The following LRRC28 variants were observed in gnomAD, a reference collection of about 807,000 sequenced individuals.
LRRC28 encodes leucine-rich repeat-containing protein 28.
In LRRC28, 39 loss-of-function variants were observed where a neutral mutation model predicts 45.7. The ratio of observed to expected loss-of-function variants is 0.85; its 90% CI spans 0.66 to 1.12. The LOEUF (loss-of-function observed/expected upper bound fraction) is 1.12, where lower values mean the gene tolerates loss of function less well. Ranked by LOEUF, LRRC28 falls within the 50% of genes most tolerant of loss-of-function variation. The pLI is 0.00. For missense variants in LRRC28, 435 were observed against 438.5 expected (o/e 0.99, Z 0.07); for synonymous variants, 206 against 178.8 (o/e 1.15, Z -1.22).
chr15:99,377,860 T>C (rs1957692042), intron 9 of LRRC28, among the ~76,000 whole-genome samples: 1 of 152,212 alleles, frequency 6.6e-6, no homozygotes, highest in Admixed American at 6.5e-5. Context: ...TGTAGATGTG[T>C]GGCATTATTT....
chr15:99,344,987 C>T (rs1162476313), intron 6 of LRRC28, among the ~76,000 whole-genome samples: 6 of 152,112 alleles, frequency 3.9e-5, no homozygotes, highest in African/African-American at 1.2e-4. Flanking sequence ...TACTGTAGGC[C>T]GTACTTCCAA....
chr15:99,375,871 G>A (rs1045595076), intron 9 of LRRC28, among the ~76,000 whole-genome samples: 4 of 151,896 alleles, frequency 2.6e-5, no homozygotes, highest in Non-Finnish European at 4.4e-5. Flanking sequence ...TCTTGGTCAA[G>A]ATTTATCAGT....
chr15:99,283,635 A>AG (rs1555555670), intron 3 of LRRC28, among the ~76,000 whole-genome samples: 1 of 148,882 alleles, frequency 6.7e-6, no homozygotes, highest in Non-Finnish European at 1.5e-5. Context: ...AAAAAAAAAA[A>AG]GGAATTCCAT....
intron 2 of LRRC28, chr15:99,258,865 C>T: frequency 2.8e-6 from 2 of 706,320 alleles, no homozygotes; most frequent in South Asian, 1.4e-5. Flanking sequence ...GCTGTGTATT[C>T]ATCACAGATG....
intron 5 of LRRC28, among the ~76,000 whole-genome samples, chr15:99,288,958 G>A (rs2082037333): frequency 6.6e-6 from 1 of 152,206 alleles, no homozygotes; most frequent in Non-Finnish European, 1.5e-5. Context: ...GGGATTATAG[G>A]TGTGAGCCAC....
At chr15:99,335,090 G>A (rs753946973) in intron 6 of LRRC28, among the ~76,000 whole-genome samples, 9 of 152,004 alleles carry the variant, frequency 5.9e-5, no homozygotes, top group Non-Finnish European at 1.2e-4. Context: ...ATGAAATGAG[G>A]CCGTTTCAGA....
At chr15:99,361,592 CT>C (rs900774789) in intron 8 of LRRC28, 81 bp downstream of exon 8, 3 of 1,356,206 alleles carry the variant, frequency 2.2e-6, no homozygotes, top group South Asian at 1.6e-5. Flanking sequence ...TGGCGTTCAT[CT>C]TTAAAAAAAA....
At chr15:99,313,793 A>G (rs1256797258) in intron 5 of LRRC28, among the ~76,000 whole-genome samples, 4 of 152,048 alleles carry the variant, frequency 2.6e-5, no homozygotes, top group Admixed American at 2.6e-4. Flanking sequence ...TTAGGGGACA[A>G]AGCTGTGGGA....
At chr15:99,305,090 T>C (rs967070687) in intron 5 of LRRC28, among the ~76,000 whole-genome samples, 2 of 152,182 alleles carry the variant, frequency 1.3e-5, no homozygotes, top group African/African-American at 4.8e-5. Flanking sequence ...GGCTCTGGGT[T>C]TTGGCACACG....
At chr15:99,268,008 A>G (rs1026804921) in intron 2 of LRRC28, among the ~76,000 whole-genome samples, 1 of 152,216 alleles carries the variant, frequency 6.6e-6, no homozygotes. Flanking sequence ...GAAACTAAGA[A>G]GAGGATAATG....
intron 5 of LRRC28, among the ~76,000 whole-genome samples, chr15:99,324,324 G>T (rs1239729619): frequency 6.6e-6 from 1 of 152,174 alleles, no homozygotes; most frequent in African/African-American, 2.4e-5. Flanking sequence ...TTTTCAGACT[G>T]CAGTTGACTG....
At position 99,363,241 on chromosome 15, in the gene LRRC28, C is replaced by G; in HGVS notation, c.1007C>G (p.Thr336Arg). 6.2e-7 allele frequency: 1 copy of G among 1,613,992 alleles called. No individual in the cohort carries two copies. The highest frequency in any genetic ancestry group is 8.5e-7 in the Non-Finnish European group (1 of 1,179,904). ...CCCAAGCTCTTTCCCTTGAGAGAGA[C>G]GCCAATGGCAGGGCTGCACCAGTGG... Reference protein sequence around the residue: ...VYPKLFPLRETPMAGLHQWKT... With the variant: ...VYPKLFPLRERPMAGLHQWKT... The change falls in exon 9 of 10, where the codon ACG (threonine) becomes AGG (arginine). Residue 336 changes from threonine (T) to arginine (R), a missense_variant. Coordinates refer to ENST00000301981, the MANE Select transcript of LRRC28 (RefSeq NM_144598.5).
In LRRC28 at chr15:99,361,344, C is replaced by G; in HGVS notation, c.704C>G (p.Ala235Gly). The change falls in exon 8 of 10, where the codon GCT becomes GGT. Residue 235 changes from alanine to glycine, a missense_variant. Coordinates refer to ENST00000301981, the MANE Select transcript of LRRC28 (RefSeq NM_144598.5). ...TGTGTGTCTTTCTGCAGCTGTGGTG[C>G]TCCCATTCAAGTTTCCGAGGTGAAG... The part of the protein sequence containing the change: ...NKVIGCSGCG[A>G]PIQVSEVKLL... 6.2e-7 allele frequency: 1 copy of G among 1,612,152 alleles called. No homozygotes were observed. Among genetic ancestry groups the G allele is most frequent in the Non-Finnish European group, 8.5e-7 (1 of 1,179,274 alleles).
Position 99,390,403 on chromosome 15 carries a change from CT to C in LRRC28, c.*4304del, listed in dbSNP as rs1273293675. The C allele has an allele frequency of 7.3e-6, 1 of 137,494 alleles. No individual in the cohort carries two copies. The highest frequency in any genetic ancestry group is 6.9e-5 in the Admixed American group (1 of 14,442). 8.5% of individuals were successfully genotyped at this position (137,494 alleles called of 1,614,324 possible). A position where few individuals can be genotyped will look rare whatever the true frequency, so the allele number is the denominator to read the frequency against. On this transcript the variant is annotated 3_prime_UTR_variant, in exon 10 of 10. Transcript: ENST00000301981. The stretch of plus-strand genomic sequence containing the variant: ...ATTATTTCTGTATGTAATTAAGAGA[CT>C]TTCAAGGGTTAGCCAGACTTTTTTC...
chr15:99,320,050 G>T (rs563205167), intron 5 of LRRC28, among the ~76,000 whole-genome samples: 1 of 152,186 alleles, frequency 6.6e-6, no homozygotes, highest in African/African-American at 2.4e-5. Flanking sequence ...CAGGTGATCC[G>T]CCCTTCTCAG....
intron 3 of LRRC28, chr15:99,284,818 C>T (rs1398917994): frequency 1.3e-5 from 7 of 546,302 alleles, no homozygotes; most frequent in Admixed American, 1.9e-5. Context: ...CCACCACTTC[C>T]AGAATTGCTT....
intron 5 of LRRC28, among the ~76,000 whole-genome samples, chr15:99,314,660 G>T (rs957309916): frequency 1.3e-5 from 2 of 152,062 alleles, no homozygotes; most frequent in African/African-American, 2.4e-5. Flanking sequence ...TACTGAGATG[G>T]TATTTGTTTG....
intron 9 of LRRC28, among the ~76,000 whole-genome samples, chr15:99,368,052 T>C (rs1957387899): frequency 6.6e-6 from 1 of 152,170 alleles, no homozygotes; most frequent in Non-Finnish European, 1.5e-5. Context: ...TTAGGAGCCA[T>C]ATGTCAGGAA....
At chr15:99,292,538 G>A (rs1483841915) in intron 5 of LRRC28, among the ~76,000 whole-genome samples, 3 of 151,236 alleles carry the variant, frequency 2.0e-5, no homozygotes, top group African/African-American at 4.9e-5. Flanking sequence ...CTAATTTTTT[G>A]TATTTTTAGT....
Sources: allele counts gnomAD v4.1 joint callset (sites outside exome capture counted in the v4.1 genomes callset), GRCh38; gene constraint gnomAD v4.1.1; transcripts MANE v1.5; gene names NCBI Gene and HGNC (gene_info 2026-07-23, HGNC 2026-07-21).